Variants in SLC25A29 observed in about 807,000 individuals in gnomAD.
SLC25A29 encodes solute carrier family 25 member 29, also known as mitochondrial basic amino acids transporter.
A neutral mutation model predicts 10.0 loss-of-function variants in SLC25A29; 13 were observed. The ratio of observed to expected loss-of-function variants is 1.30; its 90% CI spans 0.85 to 2.07. The LOEUF (loss-of-function observed/expected upper bound fraction) is 2.07, where lower values mean the gene tolerates loss of function less well. Among genes scored for constraint, SLC25A29 ranks in the 30% most tolerant of loss-of-function variants. SLC25A29 has a pLI of 0.00. For synonymous variants in SLC25A29, 244 were observed against 221.1 expected (o/e 1.10, Z -0.92); for missense variants, 475 against 447.6 (o/e 1.06, Z -0.55).
chr14:100,291,963 G>GTCCAGCAGAAA lies in SLC25A29; in HGVS notation c.*319_*320insTTTCTGCTGGA. On this transcript the variant is annotated 3_prime_UTR_variant, in exon 4 of 4. Coordinates refer to ENST00000359232, the MANE Select transcript of SLC25A29 (RefSeq NM_001039355.3). ...ATGACGTGGCCAGGATCCCAGAAAG[G>GTCCAGCAGAAA]GGCTGGAGTGTCTGCCTCAGTTTCC... is the stretch of plus-strand genomic sequence containing the variant. 2.6e-6 allele frequency: 1 copy of GTCCAGCAGAAA among 386,432 alleles called. No individual in the cohort carries two copies. Among genetic ancestry groups the GTCCAGCAGAAA allele is most frequent in the Admixed American group, 4.6e-5 (1 of 21,682 alleles). The allele number at this position is 386,432 out of a possible 1,614,324, so 23.9% of individuals were successfully genotyped here. A position where few individuals can be genotyped will look rare whatever the true frequency, so the allele number is the denominator to read the frequency against.
At chr14:100,301,411 T>C (rs4905944) in intron 1 of SLC25A29, among the ~76,000 whole-genome samples, 138,568 of 152,110 alleles carry the variant, frequency 0.91, 64,429 homozygotes, top group Non-Finnish European at 1. Flanking sequence ...TTGATCCGCC[T>C]GCCTCGGCCT....
intron 1 of SLC25A29, 82 bp from the exon 2 acceptor site, chr14:100,298,967 G>A (rs1219381924): frequency 2.5e-6 from 4 of 1,573,130 alleles, no homozygotes; most frequent in Non-Finnish European, 3.5e-6. Context: ...GTTCTGACAA[G>A]GAAGACTGGC....
At chr14:100,293,726 T>C in intron 2 of SLC25A29, 1 of 244,080 alleles carries the variant, frequency 4.1e-6, no homozygotes, top group Non-Finnish European at 8.0e-6. Flanking sequence ...AGGTGATGCT[T>C]GTCATACTGC....
chr14:100,288,553 C>T (rs1331663202), downstream of SLC25A29, among the ~76,000 whole-genome samples: 1 of 151,950 alleles, frequency 6.6e-6, no homozygotes, highest in African/African-American at 2.4e-5. Flanking sequence ...AACGTCTGGC[C>T]CTGCTGTCCT....
In SLC25A29 at chr14:100,292,165, G is replaced by A. The variant is rs11557208; in HGVS notation, c.*118C>T. ...AGCTGATCAGCAAAATTCAGCCCACGTCTGATAGACTCCACAGCTCGCAGC... is the reference window on the plus strand; with the variant it reads ...AGCTGATCAGCAAAATTCAGCCCACATCTGATAGACTCCACAGCTCGCAGC... On this transcript the variant is annotated 3_prime_UTR_variant, in exon 4 of 4. Transcript: ENST00000359232. The A allele has an allele frequency of 0.42, 569,190 of 1,363,296 alleles. 123,915 individuals are homozygous for A. Among genetic ancestry groups the A allele is most frequent in the Non-Finnish European group, 0.44 (442,605 of 996,506 alleles). The allele number at this position is 1,363,296 out of a possible 1,614,324, so 84.4% of individuals were successfully genotyped here.
At position 100,292,126 on chromosome 14, in the gene SLC25A29, G is replaced by T; in HGVS notation, c.*157C>A. On this transcript the variant is annotated 3_prime_UTR_variant, in exon 4 of 4. Coordinates refer to ENST00000359232, the MANE Select transcript of SLC25A29 (RefSeq NM_001039355.3). ...GAACACTGAGGCAAGTGCAGTTCTCGGCCAAAACTACCCAGCTGATCAGCA... is the reference window on the plus strand; with the variant it reads ...GAACACTGAGGCAAGTGCAGTTCTCTGCCAAAACTACCCAGCTGATCAGCA... 2.1e-6 allele frequency: 2 copies of T among 944,536 alleles called. No homozygotes were observed. Among genetic ancestry groups the T allele is most frequent in the Non-Finnish European group, 3.2e-6 (2 of 618,928 alleles). 58.5% of individuals were successfully genotyped at this position (944,536 alleles called of 1,614,324 possible). A position where few individuals can be genotyped will look rare whatever the true frequency, so the allele number is the denominator to read the frequency against.
chr14:100,299,536 CTG>C, intron 1 of SLC25A29: 4 of 986,464 alleles, frequency 4.1e-6, no homozygotes, highest in Non-Finnish European at 4.8e-6. Context: ...CAGCTTGTGA[CTG>C]TGCGGTCATC....
the SLC25A29 span, among the ~76,000 whole-genome samples, chr14:100,285,372 C>T: frequency 2.0e-5 from 3 of 151,128 alleles, no homozygotes; most frequent in African/African-American, 7.4e-5. Context: ...GCTTCTAGAC[C>T]TGCGCCTGGG....
chr14:100,288,090 G>A (rs1305030201), downstream of SLC25A29, among the ~76,000 whole-genome samples: 4 of 152,148 alleles, frequency 2.6e-5, no homozygotes, highest in Non-Finnish European at 5.9e-5. Flanking sequence ...CCGGCCGCAA[G>A]ACAGTCTGGG....
downstream of SLC25A29, among the ~76,000 whole-genome samples, chr14:100,289,715 C>T (rs759051581): frequency 3.3e-5 from 5 of 151,346 alleles, no homozygotes; most frequent in Middle Eastern, 3.4e-3. Context: ...TGGTGGTGCA[C>T]GCCTGTAATC....
At chr14:100,295,451 A>T (rs148435135) in intron 2 of SLC25A29, 14 of 578,664 alleles carry the variant, frequency 2.4e-5, no homozygotes, top group African/African-American at 2.2e-4. Context: ...CCCCCAATCC[A>T]GAGGGGGCTG....
At chr14:100,296,654 A>T (rs1176703328) in intron 2 of SLC25A29, 1 of 151,406 alleles carries the variant, frequency 6.6e-6, no homozygotes, top group Non-Finnish European at 1.5e-5. Context: ...GCTGGAGTGC[A>T]GTGACGCGAT....
chr14:100,292,623 T>C lies in SLC25A29; in HGVS notation c.572A>G (p.Lys191Arg), dbSNP rs776233689. 2.2e-5 allele frequency: 36 copies of C among 1,606,960 alleles called. No homozygotes were observed. Among genetic ancestry groups the C allele is most frequent in the Non-Finnish European group, 3.1e-5 (36 of 1,177,566 alleles). The change falls in exon 4 of 4, where the codon AAG becomes AGG. Residue 191 changes from lysine (K) to arginine (R), a missense_variant. By Grantham distance (26) the Lys-to-Arg change is conservative. Transcript: ENST00000359232. ...TGACGTACCGCCCGCCAACAGCAGC[T>C]TGGGCACCAGCAGGCGGTCGCCCGG... ...CEPGDRLLVP[K>R]LLLAGGTSGI...
At chr14:100,293,263 CT>C (rs1891896502) in intron 3 of SLC25A29, 30 bp downstream of exon 3, 1 of 1,608,096 alleles carries the variant, frequency 6.2e-7, no homozygotes, top group Non-Finnish European at 8.5e-7. Context: ...CATCCTGTGC[CT>C]CCCGAGCCCC....
intron 1 of SLC25A29, among the ~76,000 whole-genome samples, chr14:100,300,337 C>G (rs555785826): frequency 2.1e-4 from 32 of 152,216 alleles, no homozygotes; most frequent in Admixed American, 8.5e-4. Context: ...GTTCTGCTTT[C>G]TCTTTGGTTA....
At chr14:100,302,028 C>T (rs1258404483) in intron 1 of SLC25A29, among the ~76,000 whole-genome samples, 1 of 150,960 alleles carries the variant, frequency 6.6e-6, no homozygotes, top group Non-Finnish European at 1.5e-5. Context: ...TACTCATCAA[C>T]TGCCATTTCA....
chr14:100,299,359 G>C, intron 1 of SLC25A29: 1 of 1,014,706 alleles, frequency 9.9e-7, no homozygotes, highest in South Asian at 3.7e-5. Context: ...TCTGTCTCTG[G>C]GCCTCACTCT....
the SLC25A29 span, chr14:100,280,547 C>T: frequency 6.6e-6 from 1 of 152,068 alleles, no homozygotes; most frequent in Non-Finnish European, 1.5e-5. Flanking sequence ...CTGTTGGTTT[C>T]ATATGGTGTT....
At chr14:100,283,756 C>T in the SLC25A29 span, among the ~76,000 whole-genome samples, 2 of 152,158 alleles carry the variant, frequency 1.3e-5, no homozygotes, top group Non-Finnish European at 2.9e-5. Context: ...GCTGGGATTT[C>T]AGGCGTGAAC....
Sources: gnomAD v4.1 joint callset for allele counts (sites outside exome capture counted in the v4.1 genomes callset) on GRCh38, gnomAD v4.1.1 for gene constraint, MANE v1.5 for transcripts, NCBI Gene and HGNC (gene_info 2026-07-23, HGNC 2026-07-21) for gene names.